Variants in CCSER1 observed in about 807,000 individuals in gnomAD.
CCSER1 encodes the protein serine-rich coiled-coil domain-containing protein 1.
Under a neutral mutation model 82.0 loss-of-function variants are expected in CCSER1, and 41 were observed. The observed-to-expected ratio is 0.50, with a 90% CI of 0.39 to 0.65. CCSER1 has a LOEUF of 0.65. Ranked by LOEUF, CCSER1 falls within the 30% of genes least tolerant of loss-of-function variation. CCSER1 has a pLI of 0.00. For missense variants in CCSER1, 1,119 were observed against 1,064.2 expected (o/e 1.05, Z -0.72); for synonymous variants, 414 against 383.9 (o/e 1.08, Z -0.92).
At chr4:90,194,815 A>C (rs1736298332) in intron 1 of CCSER1, among the ~76,000 whole-genome samples, 3 of 152,068 alleles carry the variant, frequency 2.0e-5, no homozygotes, top group Admixed American at 2.0e-4. Context: ...TTAAAAAGAA[A>C]AACACTTAAA....
At chr4:90,418,101 GTTAT>G (rs779925437) in intron 4 of CCSER1, among the ~76,000 whole-genome samples, 4 of 152,222 alleles carry the variant, frequency 2.6e-5, no homozygotes, top group Non-Finnish European at 5.9e-5. Flanking sequence ...ACTTGAGCAA[GTTAT>G]TTAATCTTTT....
intron 10 of CCSER1, among the ~76,000 whole-genome samples, chr4:91,160,130 G>T (rs1021157421): frequency 6.6e-6 from 1 of 151,816 alleles, no homozygotes. Context: ...CCACCTATGA[G>T]TGAGAACATG....
At chr4:90,386,759 G>C (rs947104457) in intron 3 of CCSER1, among the ~76,000 whole-genome samples, 3 of 152,132 alleles carry the variant, frequency 2.0e-5, no homozygotes, top group African/African-American at 7.2e-5. Flanking sequence ...AATTGCACCT[G>C]CTGTTTCCTA....
At chr4:90,351,920 T>C (rs1743517056) in intron 3 of CCSER1, among the ~76,000 whole-genome samples, 1 of 152,222 alleles carries the variant, frequency 6.6e-6, no homozygotes, top group African/African-American at 2.4e-5. Flanking sequence ...TTTTTTTGTG[T>C]GTGTTTTTAA....
chr4:91,247,666 G>A (rs374770549), intron 10 of CCSER1, among the ~76,000 whole-genome samples: 3 of 152,134 alleles, frequency 2.0e-5, no homozygotes, highest in Non-Finnish European at 2.9e-5. Flanking sequence ...CCAGGAGTTC[G>A]AGATCAGCAT....
At chr4:90,691,587 A>T (rs72661867) in intron 6 of CCSER1, among the ~76,000 whole-genome samples, 1 of 108,754 alleles carries the variant, frequency 9.2e-6, no homozygotes, top group South Asian at 2.8e-4. Flanking sequence ...AATGCATGTG[A>T]ATATATCACA....
intron 7 of CCSER1, among the ~76,000 whole-genome samples, chr4:90,782,172 C>T (rs1753865357): frequency 6.6e-6 from 1 of 152,030 alleles, no homozygotes; most frequent in African/African-American, 2.4e-5. Context: ...TAGAATACCA[C>T]CAGGAGGCGT....
At chr4:91,416,462 A>G (rs1413567759) in intron 10 of CCSER1, among the ~76,000 whole-genome samples, 1 of 152,180 alleles carries the variant, frequency 6.6e-6, no homozygotes, top group African/African-American at 2.4e-5. Context: ...ACTATATCAC[A>G]AGGCTATAGT....
chr4:91,520,222 A>G (rs1368521623), intron 10 of CCSER1, among the ~76,000 whole-genome samples: 2 of 151,464 alleles, frequency 1.3e-5, no homozygotes, highest in African/African-American at 4.8e-5. Context: ...TGGTTGTTCT[A>G]GGGATTACAA....
intron 10 of CCSER1, among the ~76,000 whole-genome samples, chr4:91,298,376 C>T (rs952679186): frequency 6.6e-6 from 1 of 152,012 alleles, no homozygotes; most frequent in African/African-American, 2.4e-5. Context: ...GACCACATAG[C>T]AGAATATGAT....
chr4:91,463,758 T>C (rs4522834), intron 10 of CCSER1, among the ~76,000 whole-genome samples: 17,938 of 152,110 alleles, frequency 0.12, 1,137 homozygotes, highest in African/African-American at 0.14. Context: ...GTATCAGTGA[T>C]TGAAGATCAA....
chr4:91,543,483 G>GCT (rs1761717010), intron 10 of CCSER1, among the ~76,000 whole-genome samples: 2 of 152,128 alleles, frequency 1.3e-5, no homozygotes, highest in African/African-American at 2.4e-5. Context: ...AGGAGCTCTT[G>GCT]TAAGGCTGGC....
At chr4:91,124,725 C>A (rs1480254931) in intron 10 of CCSER1, among the ~76,000 whole-genome samples, 2 of 151,774 alleles carry the variant, frequency 1.3e-5, no homozygotes, top group African/African-American at 4.8e-5. Context: ...GCTATAGAAG[C>A]AGACACTCAT....
chr4:91,316,492 C>T (rs1745844735), intron 10 of CCSER1, among the ~76,000 whole-genome samples: 1 of 151,940 alleles, frequency 6.6e-6, no homozygotes, highest in African/African-American at 2.4e-5. Context: ...TCATTCATTA[C>T]TTATAATGGA....
intron 5 of CCSER1, among the ~76,000 whole-genome samples, chr4:90,503,877 C>T (rs1031528869): frequency 3.3e-5 from 5 of 151,982 alleles, no homozygotes; most frequent in African/African-American, 1.2e-4. Context: ...TTACATAGAT[C>T]ATCTATGACA....
At chr4:90,527,320 T>G (rs752260456) in intron 5 of CCSER1, among the ~76,000 whole-genome samples, 24 of 152,206 alleles carry the variant, frequency 1.6e-4, no homozygotes, top group Non-Finnish European at 2.8e-4. Flanking sequence ...AAGATATTTA[T>G]GTGGCCAACA....
At chr4:91,161,945 G>T (rs1413670710) in intron 10 of CCSER1, among the ~76,000 whole-genome samples, 2 of 152,104 alleles carry the variant, frequency 1.3e-5, no homozygotes, top group African/African-American at 4.8e-5. Context: ...TTTCCTGATT[G>T]CCCTGGCGAG....
intron 5 of CCSER1, among the ~76,000 whole-genome samples, chr4:90,561,663 C>A (rs2153647708): frequency 6.6e-6 from 1 of 152,228 alleles, no homozygotes; most frequent in Non-Finnish European, 1.5e-5. Flanking sequence ...TCCAGACTTC[C>A]TCTGGGCTTC....
At chr4:91,495,421 C>T (rs1758747966) in intron 10 of CCSER1, among the ~76,000 whole-genome samples, 1 of 151,112 alleles carries the variant, frequency 6.6e-6, no homozygotes, top group Non-Finnish European at 1.5e-5. Context: ...TATCTCATAC[C>T]TTTCTTGTCC....
Sources: allele counts gnomAD v4.1 joint callset (sites outside exome capture counted in the v4.1 genomes callset), GRCh38; gene constraint gnomAD v4.1.1; transcripts MANE v1.5; gene names NCBI Gene and HGNC (gene_info 2026-07-23, HGNC 2026-07-21).